The following PRR35 variants were observed in gnomAD, a reference collection of about 807,000 sequenced individuals.
PRR35 encodes proline-rich protein 35.
In PRR35, 14 loss-of-function variants were observed where a neutral mutation model predicts 18.6. The observed-to-expected ratio is 0.75, with a 90% CI of 0.50 to 1.18. The LOEUF (loss-of-function observed/expected upper bound fraction) is 1.18. PRR35 is among the 50% of genes most tolerant of loss of function. PRR35 has a pLI of 0.00. For synonymous variants in PRR35, 425 were observed against 378.2 expected (o/e 1.12, Z -1.43); for missense variants, 832 against 792.2 (o/e 1.05, Z -0.60).
In PRR35 at chr16:563,753, C is replaced by T; in HGVS notation, c.459C>T (p.Gly153=). The change falls in exon 2 of 3, where the codon GGC becomes GGT. Residue 153 remains glycine, a synonymous_variant. Coordinates refer to ENST00000409413, the MANE Select transcript of PRR35 (RefSeq NM_145270.3). ...PVARATRKGP[G]PSGLLPESWK... ...CTAGGGCCACCCGGAAGGGTCCCGG[C>T]CCCAGTGGGCTCCTGCCTGAGTCGT... 1.3e-6 allele frequency: 2 copies of T among 1,510,470 alleles called. No homozygotes were observed. Among genetic ancestry groups the T allele is most frequent in the South Asian group, 1.3e-5 (1 of 79,424 alleles). The allele number at this position is 1,510,470 out of a possible 1,614,324, so 93.6% of individuals were successfully genotyped here. A position where few individuals can be genotyped will look rare whatever the true frequency, so the allele number is the denominator to read the frequency against.
At chr16:561,245 C>T (rs914642529) in intron 1 of PRR35, among the ~76,000 whole-genome samples, 37 of 152,302 alleles carry the variant, frequency 2.4e-4, no homozygotes, top group Non-Finnish European at 4.6e-4. Context: ...AGCTATCCTC[C>T]GGGTCCCCAA....
chr16:560,634 T>A lies in PRR35; in HGVS notation c.-67T>A. On this transcript the variant is annotated 5_prime_UTR_variant, in exon 1 of 3. Transcript: ENST00000409413. ...CGCCCTACACGCGGCCTCGCAGACTTGGCGGCTCCGCTCCCGGCCGGGCGC... is the reference window on the plus strand; with the variant it reads ...CGCCCTACACGCGGCCTCGCAGACTAGGCGGCTCCGCTCCCGGCCGGGCGC... The A allele has an allele frequency of 6.1e-6, 6 of 981,624 alleles. No individual in the cohort carries two copies. The highest frequency in any genetic ancestry group is 7.2e-6 in the Non-Finnish European group (6 of 828,750). The allele number at this position is 981,624 out of a possible 1,614,324, so 60.8% of individuals were successfully genotyped here.
intron 2 of PRR35, 42 bp downstream of exon 2, chr16:564,418 G>C: frequency 6.3e-7 from 1 of 1,580,682 alleles, no homozygotes; most frequent in South Asian, 1.1e-5. Context: ...GGACGGAGGG[G>C]CTGGGCGGCT....
rs199711358 is a variant in PRR35 at position 563,811 on chromosome 16, G to A, written c.517G>A (p.Val173Met). 5.5e-4 allele frequency: 831 copies of A among 1,501,804 alleles called. No individual in the cohort carries two copies. The highest frequency in any genetic ancestry group is 6.9e-4 in the Non-Finnish European group (775 of 1,123,574). The allele number at this position is 1,501,804 out of a possible 1,614,324, so 93.0% of individuals were successfully genotyped here. ...GGGGATGGGAGGGGACCCAAGGGGCGTGGGTGCGGGGGACATGGCCTCAGC... is the reference window on the plus strand; with the variant it reads ...GGGGATGGGAGGGGACCCAAGGGGCATGGGTGCGGGGGACATGGCCTCAGC... ...KPGMGGDPRGVGAGDMASAGP... is the reference protein window; with the variant it reads ...KPGMGGDPRGMGAGDMASAGP... Residue 173 changes from valine (V) to methionine (M), a missense_variant, in exon 2 of 3, where the codon GTG becomes ATG. This residue lies in a region of PRR35 where 768 missense variants were observed against 704.1 expected (regional missense o/e 1.09). Coordinates refer to ENST00000409413, the MANE Select transcript of PRR35 (RefSeq NM_145270.3).
Position 563,759 on chromosome 16 carries a change from TG to T in PRR35, c.468del (p.Leu157SerfsTer146). 1 of 1,508,340 alleles carries T rather than the reference TG, an allele frequency of 6.6e-7. No individual in the cohort carries two copies. The highest frequency in any genetic ancestry group is 8.9e-7 in the Non-Finnish European group (1 of 1,129,682). The allele number at this position is 1,508,340 out of a possible 1,614,324, so 93.4% of individuals were successfully genotyped here. A position where few individuals can be genotyped will look rare whatever the true frequency, so the allele number is the denominator to read the frequency against. On this transcript the variant is annotated frameshift_variant, in exon 2 of 3. Coordinates refer to ENST00000409413, the MANE Select transcript of PRR35 (RefSeq NM_145270.3). LOFTEE classifies it high-confidence loss of function. ...CCACCCGGAAGGGTCCCGGCCCCAG[TG>T]GGCTCCTGCCTGAGTCGTGGAAGCC... ...RATRKGPGPS[G>X]LLPESWKPGM... is the part of the protein sequence containing the mutation.
chr16:560,235 G>A (rs2035410522), upstream of PRR35: 17 of 656,854 alleles, frequency 2.6e-5, no homozygotes, highest in South Asian at 2.0e-4. Flanking sequence ...GCACGAGGCC[G>A]GTGAGTGCGC....
rs781570406 is a variant in PRR35, at chr16:563,799, G to T, written c.505G>T (p.Asp169Tyr). ...PESWKPGMGG[D>Y]PRGVGAGDMA... Reference sequence around the variant, plus strand: ...GTCGTGGAAGCCGGGGATGGGAGGGGACCCAAGGGGCGTGGGTGCGGGGGA... The same window carrying T: ...GTCGTGGAAGCCGGGGATGGGAGGGTACCCAAGGGGCGTGGGTGCGGGGGA... The change falls in exon 2 of 3, where the codon GAC (aspartate) becomes TAC (tyrosine). Residue 169 changes from aspartate to tyrosine, a missense_variant. Around this residue, in one of 3 missense-constraint regions of PRR35, gnomAD observed 768 missense variants for 704.1 expected, o/e 1.09. Coordinates refer to ENST00000409413, the MANE Select transcript of PRR35 (RefSeq NM_145270.3). 5 of 1,500,208 alleles carry T rather than the reference G, an allele frequency of 3.3e-6. No individual in the cohort carries two copies. Among genetic ancestry groups the T allele is most frequent in the Non-Finnish European group, 3.6e-6 (4 of 1,123,784 alleles). The allele number at this position is 1,500,208 out of a possible 1,614,324, so 92.9% of individuals were successfully genotyped here.
Position 565,331 on chromosome 16 carries a change from G to C in PRR35, c.*24G>C. On this transcript the variant is annotated 3_prime_UTR_variant, in exon 3 of 3. Transcript: ENST00000409413. ...GACCTGCAGCGCCTGAGGTCTGACT[G>C]TCTCTGCCTGCAGCATGCCGGCCCC... The C allele has an allele frequency of 1.4e-6, 2 of 1,447,388 alleles. No individual in the cohort carries two copies. The highest frequency in any genetic ancestry group is 3.0e-5 in the South Asian group (2 of 67,194). 89.7% of individuals were successfully genotyped at this position (1,447,388 alleles called of 1,614,324 possible).
In PRR35 at chr16:565,047, C is replaced by T. The variant is rs1451455834; in HGVS notation, c.1456C>T (p.Arg486Trp). ...CCAGGCTCTTGGAGAGGCGTGGGGG[C>T]GGCCCGAGCTGGGTCCCGTGTTGAC... ...GPQALGEAWG[R>W]PELGPVLTGG... The change falls in exon 3 of 3, where the codon CGG becomes TGG. Residue 486 changes from arginine (R) to tryptophan (W), a missense_variant. This residue lies in a region of PRR35 where 768 missense variants were observed against 704.1 expected (regional missense o/e 1.09). Transcript: ENST00000409413. The T allele has an allele frequency of 5.6e-6, 9 of 1,593,140 alleles. No homozygotes were observed. The highest frequency in any genetic ancestry group is 1.3e-5 in the African/African-American group (1 of 74,254).
Position 560,522 on chromosome 16 carries a change from G to C in PRR35, c.-179G>C, listed in dbSNP as rs1299123631. The C allele has an allele frequency of 1.0e-6, 1 of 982,800 alleles. No homozygotes were observed. The highest frequency in any genetic ancestry group is 1.2e-6 in the Non-Finnish European group (1 of 828,882). The allele number at this position is 982,800 out of a possible 1,614,324, so 60.9% of individuals were successfully genotyped here. A position where few individuals can be genotyped will look rare whatever the true frequency, so the allele number is the denominator to read the frequency against. ...GGCGCCGGGCCTCAGTTTCCCCCACGGGAGCCGCATCCCACCCCCAGAGCC... is the reference window on the plus strand; with the variant it reads ...GGCGCCGGGCCTCAGTTTCCCCCACCGGAGCCGCATCCCACCCCCAGAGCC... On this transcript the variant is annotated 5_prime_UTR_variant, in exon 1 of 3. Transcript: ENST00000409413.
At chr16:560,311 C>T (rs2035411562), upstream of PRR35, 1 of 977,980 alleles carries the variant, frequency 1.0e-6, no homozygotes, top group African/African-American at 1.8e-5. Flanking sequence ...GCTGCTCCTT[C>T]CCTCCCGCCG....
At position 564,932 on chromosome 16, in the gene PRR35, G is replaced by A. The variant is rs767346630; in HGVS notation, c.1341G>A (p.Leu447=). Residue 447 remains leucine (L), a synonymous_variant, in exon 3 of 3, where the codon CTG becomes CTA. Coordinates refer to ENST00000409413, the MANE Select transcript of PRR35 (RefSeq NM_145270.3). ...AGCTGGGCAAGATCCGCCTGGAGCTGCTCACCATTCACCAGGCGCTGGAGC... is the reference window on the plus strand; with the variant it reads ...AGCTGGGCAAGATCCGCCTGGAGCTACTCACCATTCACCAGGCGCTGGAGC... ...REQLGKIRLE[L]LTIHQALEQA... 1.9e-6 allele frequency: 3 copies of A among 1,603,590 alleles called. No individual in the cohort carries two copies. Among genetic ancestry groups the A allele is most frequent in the East Asian group, 2.2e-5 (1 of 44,694 alleles).
chr16:563,097 A>G (rs1258586495), intron 1 of PRR35, among the ~76,000 whole-genome samples, 159 bp from the exon 2 acceptor site: 3 of 108,868 alleles, frequency 2.8e-5, no homozygotes, highest in Non-Finnish European at 3.8e-5. Context: ...CGTGGGGAGG[A>G]GCCGAAGGAT....
At position 565,135 on chromosome 16, in the gene PRR35, A is replaced by C. The variant is rs1555450454; in HGVS notation, c.1544A>C (p.His515Pro). 1 of 1,606,690 alleles carries C rather than the reference A, an allele frequency of 6.2e-7. No homozygotes were observed. Among genetic ancestry groups the C allele is most frequent in the Admixed American group, 1.7e-5 (1 of 59,442 alleles). Residue 515 changes from histidine (H) to proline (P), a missense_variant, in exon 3 of 3, where the codon CAC (histidine) becomes CCC (proline). This residue lies in a region of PRR35 where 768 missense variants were observed against 704.1 expected (regional missense o/e 1.09). Transcript: ENST00000409413. ...GPAAPQPFSG[H>P]TTKCEADSSV... is the part of the protein sequence containing the mutation. ...GCAGCGCCCCAACCCTTCTCTGGCC[A>C]CACCACCAAGTGTGAGGCCGACTCC...
chr16:561,631 C>T, intron 1 of PRR35: 1 of 657,338 alleles, frequency 1.5e-6, no homozygotes, highest in Non-Finnish European at 1.9e-6. Flanking sequence ...CCCGTGACTG[C>T]CCTGCAGGGC....
Position 560,786 on chromosome 16 carries a change from C to T in PRR35, c.-40+125C>T, listed in dbSNP as rs978826260. The T allele has an allele frequency of 5.9e-6, 5 of 850,234 alleles. No individual in the cohort carries two copies. In the African/African-American group the frequency reaches 9.3e-5, roughly 16 times the overall value. The allele number at this position is 850,234 out of a possible 1,614,324, so 52.7% of individuals were successfully genotyped here. A position where few individuals can be genotyped will look rare whatever the true frequency, so the allele number is the denominator to read the frequency against. ...CGGGGGGCGGCCGGGTCCCCCCCAC[C>T]CTCTTCTCGAAGTCCAGGAGCAGCG... On this transcript the variant is annotated intron_variant, in intron 1 of 2. Transcript: ENST00000409413.
chr16:560,319 C>T (rs1405122259), upstream of PRR35: 1 of 980,558 alleles, frequency 1.0e-6, no homozygotes, highest in Admixed American at 6.3e-5. Flanking sequence ...TTCCCTCCCG[C>T]CGCGAGCGCG....
At position 563,492 on chromosome 16, in the gene PRR35, C is replaced by T. The variant is rs565442304; in HGVS notation, c.198C>T (p.Ser66=). 1 of 1,612,472 alleles carries T rather than the reference C, an allele frequency of 6.2e-7. No homozygotes were observed. The highest frequency in any genetic ancestry group is 2.2e-5 in the East Asian group (1 of 44,874). ...ACAGCCTCTGCAAGGACTCCCTGTCCCTGCTGCTAGACTCCCCAGACTGGG... is the reference window on the plus strand; with the variant it reads ...ACAGCCTCTGCAAGGACTCCCTGTCTCTGCTGCTAGACTCCCCAGACTGGG... The part of the protein sequence containing the change: ...MKYSLCKDSL[S]LLLDSPDWAC... Residue 66 remains serine, a synonymous_variant, in exon 2 of 3, where the codon TCC becomes TCT. Transcript: ENST00000409413.
intron 1 of PRR35, among the ~76,000 whole-genome samples, chr16:562,552 C>T (rs2035455250): frequency 6.6e-6 from 1 of 151,554 alleles, no homozygotes; most frequent in Non-Finnish European, 1.5e-5. Context: ...CACGCACATG[C>T]ACGCACACAC....
Sources: gnomAD v4.1 joint callset for allele counts (sites outside exome capture counted in the v4.1 genomes callset) on GRCh38, gnomAD v4.1.1 for gene constraint, gnomAD v4.1.1 regional missense constraint, MANE v1.5 for transcripts, NCBI Gene and HGNC (gene_info 2026-07-23, HGNC 2026-07-21) for gene names.